The following PPP3CB variants were observed in gnomAD, a reference collection of about 807,000 sequenced individuals.
The protein encoded by PPP3CB is protein phosphatase 3 catalytic subunit beta.
A neutral mutation model predicts 66.4 loss-of-function variants in PPP3CB; 8 were observed. The observed-to-expected ratio is 0.12, with a 90% CI of 0.07 to 0.22. The LOEUF (loss-of-function observed/expected upper bound fraction) is 0.22. Ranked by LOEUF, PPP3CB falls within the 10% of genes least tolerant of loss-of-function variation. The probability of loss-of-function intolerance (pLI) is 1.00; values close to 1 mark genes in which losing one functional copy is unlikely to be tolerated. For synonymous variants in PPP3CB, 208 were observed against 221.2 expected (o/e 0.94, Z 0.53); for missense variants, 319 against 642.5 (o/e 0.50, Z 5.44).
At chr10:73,478,865 A>G (rs143012266) in intron 2 of PPP3CB, among the ~76,000 whole-genome samples, 2 of 152,310 alleles carry the variant, frequency 1.3e-5, no homozygotes, top group East Asian at 1.9e-4. Flanking sequence ...TGAAATCTAC[A>G]TTTATAAAGA....
intron 12 of PPP3CB, among the ~76,000 whole-genome samples, chr10:73,440,465 A>C (rs1369061645): frequency 3.3e-5 from 5 of 152,208 alleles, no homozygotes; most frequent in Admixed American, 6.5e-5. Context: ...AGCTGATATG[A>C]CTACAGTGAA....
intron 1 of PPP3CB, among the ~76,000 whole-genome samples, chr10:73,485,908 T>TTGTGTGTGTGTGTGTGTG (rs57190155): frequency 2.5e-5 from 3 of 121,288 alleles, no homozygotes; most frequent in Non-Finnish European, 5.0e-5. Flanking sequence ...ACCTGGCTAA[T>TTGTGTGTGTGTGTGTGTG]TGTGTGTGTG....
At chr10:73,464,889 C>G (rs2056594587) in intron 9 of PPP3CB, among the ~76,000 whole-genome samples, 1 of 151,348 alleles carries the variant, frequency 6.6e-6, no homozygotes. Context: ...TGAGATTGTG[C>G]CTGGGCAATA....
chr10:73,482,392 A>C (rs2056893498), intron 1 of PPP3CB, among the ~76,000 whole-genome samples: 1 of 151,482 alleles, frequency 6.6e-6, no homozygotes, highest in Non-Finnish European at 1.5e-5. Context: ...AAAATACAAA[A>C]ATTAGCTGGG....
At chr10:73,452,213 A>G (rs1027641419) in intron 10 of PPP3CB, among the ~76,000 whole-genome samples, 1 of 152,208 alleles carries the variant, frequency 6.6e-6, no homozygotes, top group Non-Finnish European at 1.5e-5. Flanking sequence ...TCAATTATTC[A>G]TTATCTCAAT....
At chr10:73,454,315 A>G (rs1239464896) in intron 10 of PPP3CB, 97 bp downstream of exon 10, 5 of 658,922 alleles carry the variant, frequency 7.6e-6, no homozygotes, top group Non-Finnish European at 1.3e-5. Context: ...CTCTGAAAGC[A>G]ATGACTATTT....
rs147070841 is a variant in PPP3CB at position 73,455,000 on chromosome 10, G to A, written c.1109-511C>T. Among the ~76,000 whole-genome samples the A allele has an allele frequency of 5.8e-3, 878 of 151,912 alleles. 10 individuals are homozygous for A. The highest frequency in any genetic ancestry group is 0.019 in the African/African-American group (808 of 41,450). On this transcript the variant is annotated intron_variant, in intron 9 of 13. Coordinates refer to ENST00000360663, the MANE Select transcript of PPP3CB (RefSeq NM_021132.4). The stretch of plus-strand genomic sequence containing the variant: ...AGATTCTCCTGCCTCAGCCTCCCAA[G>A]GAGCTGGGATTACAGACACCCATCG...
Position 73,488,451 on chromosome 10 carries a change from T to G in PPP3CB, c.85+7354A>C, listed in dbSNP as rs1390134199. 1.3e-5 allele frequency among the ~76,000 whole-genome samples: 2 copies of G among 151,106 alleles called. 1 individual carries two copies. Among genetic ancestry groups the G allele is most frequent in the Admixed American group, 1.3e-4 (2 of 15,124 alleles). On this transcript the variant is annotated intron_variant, in intron 1 of 13. Coordinates refer to ENST00000360663, the MANE Select transcript of PPP3CB (RefSeq NM_021132.4). ...AGTCCCAGCTACTTGGGAGGCTGAG[T>G]TGGGGGATCGCTTGAGCCCAGAAGT... is the stretch of plus-strand genomic sequence containing the variant.
In PPP3CB at chr10:73,470,749, C is replaced by T; in HGVS notation, c.920G>A (p.Gly307Glu). The part of the protein sequence containing the change: ...YRMYRKSQTT[G>E]FPSLITIFSA... ...AAAAATTGTTATTAATGAAGGGAAC[C>T]CTGTAGTTTGACTTTTTCTGTACAT... is the stretch of plus-strand genomic sequence containing the variant. Residue 307 changes from glycine to glutamate, a missense_variant, in exon 8 of 14, where the codon GGG (glycine) becomes GAG (glutamate). Coordinates refer to ENST00000360663, the MANE Select transcript of PPP3CB (RefSeq NM_021132.4). 1 of 1,603,862 alleles carries T rather than the reference C, an allele frequency of 6.2e-7. No homozygotes were observed. The highest frequency in any genetic ancestry group is 8.5e-7 in the Non-Finnish European group (1 of 1,173,772).
intron 9 of PPP3CB, among the ~76,000 whole-genome samples, chr10:73,466,501 C>T (rs2056619714): frequency 6.6e-6 from 1 of 152,164 alleles, no homozygotes; most frequent in Non-Finnish European, 1.5e-5. Flanking sequence ...TGAACTATTT[C>T]TCATACACCA....
At chr10:73,485,881 C>T (rs2056963376) in intron 1 of PPP3CB, among the ~76,000 whole-genome samples, 1 of 151,118 alleles carries the variant, frequency 6.6e-6, no homozygotes, top group African/African-American at 2.4e-5. Flanking sequence ...GCTGAGACTA[C>T]AGGCACACAC....
intron 1 of PPP3CB, among the ~76,000 whole-genome samples, chr10:73,494,171 T>A (rs1293710566): frequency 1.3e-5 from 2 of 152,230 alleles, no homozygotes; most frequent in Non-Finnish European, 2.9e-5. Flanking sequence ...ATTTTTTTTT[T>A]AAGATTTCTC....
intron 10 of PPP3CB, among the ~76,000 whole-genome samples, chr10:73,453,898 T>C (rs1268542251): frequency 6.6e-6 from 1 of 152,192 alleles, no homozygotes; most frequent in African/African-American, 2.4e-5. Flanking sequence ...AACAACCATG[T>C]ATAACTTTGT....
At chr10:73,490,785 G>C (rs990808153) in intron 1 of PPP3CB, among the ~76,000 whole-genome samples, 1 of 151,320 alleles carries the variant, frequency 6.6e-6, no homozygotes, top group African/African-American at 2.4e-5. Flanking sequence ...CTCTCTTTCT[G>C]TTCCTTTGCT....
chr10:73,459,329 T>G (rs191446692), intron 9 of PPP3CB, among the ~76,000 whole-genome samples: 2 of 150,894 alleles, frequency 1.3e-5, no homozygotes, highest in African/African-American at 4.9e-5. Flanking sequence ...CTACTAAAAA[T>G]ATAAAAATTA....
At chr10:73,443,681 A>G (rs1022945395) in intron 12 of PPP3CB, 1 of 152,238 alleles carries the variant, frequency 6.6e-6, no homozygotes, top group Non-Finnish European at 1.5e-5. Context: ...ACTCTCTTCT[A>G]TTTAATCTGT....
chr10:73,478,673 A>T, intron 2 of PPP3CB, 50 bp from the exon 3 acceptor site: 1 of 1,518,440 alleles, frequency 6.6e-7, no homozygotes, highest in Non-Finnish European at 9.0e-7. Context: ...TAAAACAACA[A>T]ATTTTACTTA....
chr10:73,471,344 G>A (rs999430085), intron 5 of PPP3CB, 124 bp downstream of exon 5: 2 of 1,348,302 alleles, frequency 1.5e-6, no homozygotes, highest in African/African-American at 1.5e-5. Flanking sequence ...ATTTCCTTAA[G>A]ATATCAGTAT....
chr10:73,446,836 T>C (rs1431951028), intron 10 of PPP3CB, among the ~76,000 whole-genome samples: 1 of 152,076 alleles, frequency 6.6e-6, no homozygotes, highest in Non-Finnish European at 1.5e-5. Context: ...TACTGGCTAA[T>C]CAGTAAAACA....
Sources: gnomAD v4.1 joint callset for allele counts (sites outside exome capture counted in the v4.1 genomes callset) on GRCh38, gnomAD v4.1.1 for gene constraint, MANE v1.5 for transcripts, NCBI Gene and HGNC (gene_info 2026-07-23, HGNC 2026-07-21) for gene names.